SLC9A9: variants seen among roughly 807,000 people sequenced by gnomAD.
SLC9A9 encodes the protein solute carrier family 9 member A9.
A neutral mutation model predicts 77.8 loss-of-function variants in SLC9A9; 62 were observed. The observed-to-expected ratio is 0.80, with a 90% CI of 0.65 to 0.98. SLC9A9 has a LOEUF of 0.98. SLC9A9 is among the 50% of genes least tolerant of loss of function. The probability of loss-of-function intolerance (pLI) is 0.00; values close to 1 mark genes in which losing one functional copy is unlikely to be tolerated. For synonymous variants in SLC9A9, 320 were observed against 283.5 expected (o/e 1.13, Z -1.29); for missense variants, 775 against 774.9 (o/e 1.00, Z 0.00).
chr3:143,481,144 G>A (rs1489509922), intron 11 of SLC9A9, among the ~76,000 whole-genome samples: 1 of 152,082 alleles, frequency 6.6e-6, no homozygotes, highest in Admixed American at 6.5e-5. Flanking sequence ...TAGGTGTAGA[G>A]ATAAGCATTT....
intron 2 of SLC9A9, among the ~76,000 whole-genome samples, chr3:143,812,655 C>G (rs1052599805): frequency 5.9e-5 from 9 of 152,180 alleles, no homozygotes; most frequent in Admixed American, 5.9e-4. Flanking sequence ...TTTATCACTT[C>G]CTAGTCCCTA....
At chr3:143,312,224 A>G (rs960374086) in intron 14 of SLC9A9, among the ~76,000 whole-genome samples, 7 of 152,250 alleles carry the variant, frequency 4.6e-5, no homozygotes, top group African/African-American at 1.4e-4. Context: ...TATTGCCACA[A>G]GGCTCAATCC....
chr3:143,504,651 T>C (rs13324297), intron 9 of SLC9A9, among the ~76,000 whole-genome samples: 41,988 of 152,098 alleles, frequency 0.28, 6,499 homozygotes, highest in Non-Finnish European at 0.36. Flanking sequence ...AGTAACAATG[T>C]TAATGAAATT....
At chr3:143,439,565 C>A (rs980631405) in intron 12 of SLC9A9, among the ~76,000 whole-genome samples, 1 of 152,138 alleles carries the variant, frequency 6.6e-6, no homozygotes. Context: ...GGAGCAAAGA[C>A]CTGGAGGCAT....
At chr3:143,352,419 T>C (rs976544214) in intron 14 of SLC9A9, among the ~76,000 whole-genome samples, 16 of 152,314 alleles carry the variant, frequency 1.1e-4, no homozygotes, top group Admixed American at 5.2e-4. Flanking sequence ...CCTAATACAC[T>C]GGTAGATTTC....
chr3:143,576,016 T>C (rs921938934), intron 7 of SLC9A9, among the ~76,000 whole-genome samples: 6 of 152,362 alleles, frequency 3.9e-5, no homozygotes, highest in Admixed American at 3.3e-4. Flanking sequence ...TGCAATCTTA[T>C]GCCAGACTTC....
intron 14 of SLC9A9, among the ~76,000 whole-genome samples, chr3:143,304,537 G>C (rs1258968271): frequency 6.6e-6 from 1 of 152,222 alleles, no homozygotes; most frequent in East Asian, 1.9e-4. Flanking sequence ...CATCTTGGCA[G>C]CATTCAGGCC....
chr3:143,574,223 A>G (rs2037318982), intron 7 of SLC9A9, 30 bp from the exon 8 acceptor site: 1 of 1,510,422 alleles, frequency 6.6e-7, no homozygotes, highest in Non-Finnish European at 9.2e-7. Flanking sequence ...GGAAACAACA[A>G]CAGCTTTTAC....
chr3:143,700,808 C>T (rs1480912961), intron 4 of SLC9A9, among the ~76,000 whole-genome samples: 1 of 152,192 alleles, frequency 6.6e-6, no homozygotes, highest in Non-Finnish European at 1.5e-5. Flanking sequence ...AGCCCAAGGG[C>T]CTGGCAGCAG....
At chr3:143,321,431 G>A (rs2031416167) in intron 14 of SLC9A9, among the ~76,000 whole-genome samples, 1 of 152,150 alleles carries the variant, frequency 6.6e-6, no homozygotes, top group Non-Finnish European at 1.5e-5. Context: ...GGTCTGTCTG[G>A]TCTTCAAGTA....
At chr3:143,341,052 C>T (rs1228673426) in intron 14 of SLC9A9, among the ~76,000 whole-genome samples, 1 of 152,182 alleles carries the variant, frequency 6.6e-6, no homozygotes, top group Non-Finnish European at 1.5e-5. Context: ...ATTTTTAAGA[C>T]TATCCCTCTC....
chr3:143,429,224 G>T (rs758228215), intron 12 of SLC9A9, among the ~76,000 whole-genome samples: 16 of 152,198 alleles, frequency 1.1e-4, no homozygotes, highest in Non-Finnish European at 1.0e-4. Context: ...GCTTAGAGTA[G>T]ATGAGAGCAC....
At chr3:143,691,096 C>G (rs1933447784) in intron 5 of SLC9A9, among the ~76,000 whole-genome samples, 1 of 152,036 alleles carries the variant, frequency 6.6e-6, no homozygotes, top group African/African-American at 2.4e-5. Context: ...TGTGGTTGAG[C>G]CTGAGATTTT....
chr3:143,533,519 A>C (rs893686944), intron 9 of SLC9A9, among the ~76,000 whole-genome samples: 1 of 152,196 alleles, frequency 6.6e-6, no homozygotes, highest in African/African-American at 2.4e-5. Flanking sequence ...AAAATGCAAT[A>C]AGTGAGGCCA....
chr3:143,350,328 C>T (rs2032413828), intron 14 of SLC9A9, among the ~76,000 whole-genome samples: 1 of 152,162 alleles, frequency 6.6e-6, no homozygotes, highest in African/African-American at 2.4e-5. Context: ...TGACTTCTCC[C>T]TAATCACTGC....
intron 5 of SLC9A9, among the ~76,000 whole-genome samples, chr3:143,681,427 A>G (rs1392467227): frequency 1.3e-5 from 2 of 152,164 alleles, no homozygotes; most frequent in African/African-American, 4.8e-5. Context: ...AATGGGTTCC[A>G]TGATATTGTA....
At chr3:143,348,286 C>A (rs1471720943) in intron 14 of SLC9A9, among the ~76,000 whole-genome samples, 2 of 152,206 alleles carry the variant, frequency 1.3e-5, no homozygotes, top group Non-Finnish European at 2.9e-5. Flanking sequence ...TGAGCCACTG[C>A]GCCCGGCCCG....
intron 14 of SLC9A9, among the ~76,000 whole-genome samples, chr3:143,276,126 G>A (rs541012616): frequency 3.8e-4 from 58 of 152,240 alleles, no homozygotes; most frequent in Admixed American, 2.0e-3. Context: ...TCCTAGGAGG[G>A]AGCCCATGTG....
chr3:143,448,280 A>T (rs2034880867), intron 12 of SLC9A9, among the ~76,000 whole-genome samples: 1 of 152,190 alleles, frequency 6.6e-6, no homozygotes, highest in Non-Finnish European at 1.5e-5. Flanking sequence ...AATGTGATGA[A>T]CAACTAGATG....
Sources: allele counts gnomAD v4.1 joint callset (sites outside exome capture counted in the v4.1 genomes callset), GRCh38; gene constraint gnomAD v4.1.1; transcripts MANE v1.5; gene names NCBI Gene and HGNC (gene_info 2026-07-23, HGNC 2026-07-21).